Variants in TBXT observed in about 807,000 individuals in gnomAD.
The protein encoded by TBXT is T-box transcription factor T.
TBXT carries 19 observed loss-of-function variants against 41.1 expected under a neutral mutation model. The ratio of observed to expected loss-of-function variants is 0.46; its 90% CI spans 0.32 to 0.68. The LOEUF (loss-of-function observed/expected upper bound fraction) is 0.68, where lower values mean the gene tolerates loss of function less well. TBXT is among the 30% of genes least tolerant of loss of function. The pLI is 0.03. For synonymous variants in TBXT, 213 were observed against 238.9 expected (o/e 0.89, Z 1.00); for missense variants, 536 against 582.0 (o/e 0.92, Z 0.81).
Position 166,158,456 on chromosome 6 carries a change from C to T in TBXT, c.1170G>A (p.Pro390=), listed in dbSNP as rs143219390. 1.4e-4 allele frequency: 221 copies of T among 1,614,086 alleles called. No homozygotes were observed. The highest frequency in any genetic ancestry group is 1.2e-3 in the African/African-American group (90 of 75,058). The part of the protein sequence containing the change: ...SPAHYTPLTH[P]VSAPSSSGSP... ...ATCCCGAGGAAGAGGGCGCCGAGAC[C>T]GGATGGGTGAGGGGTGTGTAGTGCG... The change falls in exon 8 of 8, where the codon CCG becomes CCA. Residue 390 remains proline (P), a synonymous_variant. Coordinates refer to ENST00000366876, the MANE Select transcript of TBXT (RefSeq NM_001366285.2).
At chr6:166,160,814 A>G (rs773752592) in intron 7 of TBXT, 23 bp downstream of exon 7, 4 of 1,613,852 alleles carry the variant, frequency 2.5e-6, no homozygotes, top group Non-Finnish European at 3.4e-6. Flanking sequence ...GATGCTTTGC[A>G]CCAGGTCCTG....
intron 6 of TBXT, among the ~76,000 whole-genome samples, chr6:166,161,742 G>A (rs992532824): frequency 1.3e-5 from 2 of 152,148 alleles, no homozygotes; most frequent in African/African-American, 4.8e-5. Flanking sequence ...CTAACACGGT[G>A]AAACCCCGTC....
At chr6:166,158,684 G>A (rs2128521245) in intron 7 of TBXT, 96 bp from the exon 8 acceptor site, 4 of 1,349,894 alleles carry the variant, frequency 3.0e-6, no homozygotes, top group Non-Finnish European at 3.9e-6. Flanking sequence ...CGGAGTGACT[G>A]TGTAATATGA....
At chr6:166,160,798 T>C (rs748826823) in intron 7 of TBXT, 39 bp downstream of exon 7, 2 of 1,612,666 alleles carry the variant, frequency 1.2e-6, no homozygotes, top group Admixed American at 3.3e-5. Context: ...CAGGCAGAGC[T>C]CCCAGGATGC....
Position 166,160,893 on chromosome 6 carries a change from A to G in TBXT, c.981T>C (p.Pro327=), listed in dbSNP as rs1778933131. The G allele has an allele frequency of 1.2e-6, 2 of 1,614,008 alleles. No homozygotes were observed. Among genetic ancestry groups the G allele is most frequent in the Middle Eastern group, 1.6e-4 (1 of 6,084 alleles). ...TCACGGGGAGCATGCTGGGATGGGC[A>G]GGCATTCCAAGGCTGGACCAATTGT... The part of the protein sequence containing the change: ...SHDNWSSLGM[P]AHPSMLPVSH... Residue 327 remains proline (P), a synonymous_variant, in exon 7 of 8, where the codon CCT becomes CCC. Transcript: ENST00000366876.
At chr6:166,164,058 C>T (rs1156697531) in intron 5 of TBXT, among the ~76,000 whole-genome samples, 1 of 152,204 alleles carries the variant, frequency 6.6e-6, no homozygotes, top group Non-Finnish European at 1.5e-5. Context: ...TGAGAGAGAG[C>T]GTTTCTCCCA....
chr6:166,165,579 T>G, intron 3 of TBXT, 127 bp downstream of exon 3: 1 of 1,443,864 alleles, frequency 6.9e-7, no homozygotes, highest in Non-Finnish European at 9.7e-7. Flanking sequence ...CGGAATATTA[T>G]TTGAAAGGGC....
chr6:166,164,705 A>T, intron 4 of TBXT, 39 bp from the exon 5 acceptor site: 1 of 1,612,924 alleles, frequency 6.2e-7, no homozygotes, highest in Non-Finnish European at 8.5e-7. Context: ...CGAATTTTCA[A>T]AAATAAGGAA....
At chr6:166,160,683 G>A (rs1778925224) in intron 7 of TBXT, among the ~76,000 whole-genome samples, 154 bp downstream of exon 7, 1 of 152,052 alleles carries the variant, frequency 6.6e-6, no homozygotes, top group Non-Finnish European at 1.5e-5. Context: ...GCAATCCCTG[G>A]GCATAGCTGG....
At position 166,160,758 on chromosome 6, in the gene TBXT, G is replaced by A. The variant is rs3127334; in HGVS notation, c.1037+79C>T. The stretch of plus-strand genomic sequence containing the variant: ...GGACCAAGGAGAATAAGGACTAAGG[G>A]CCTATGGGAATGGAAACAGCGTGAA... On this transcript the variant is annotated intron_variant, in intron 7 of 7. Transcript: ENST00000366876. The A allele has an allele frequency of 0.74, 1,188,027 of 1,596,264 alleles. 443,689 individuals carry two copies. Among genetic ancestry groups the A allele is most frequent in the East Asian group, 0.88 (39,056 of 44,550 alleles).
chr6:166,162,881 C>T (rs1164967790), intron 5 of TBXT, among the ~76,000 whole-genome samples: 1 of 152,160 alleles, frequency 6.6e-6, no homozygotes, highest in Non-Finnish European at 1.5e-5. Flanking sequence ...TTCCCACCTT[C>T]CCCTCAGGGG....
At position 166,166,598 on chromosome 6, in the gene TBXT, C is replaced by T; in HGVS notation, c.465G>A (p.Gly155=). The change falls in exon 2 of 8, where the codon GGG becomes GGA. Residue 155 remains glycine, a synonymous_variant. Coordinates refer to ENST00000366876, the MANE Select transcript of TBXT (RefSeq NM_001366285.2). ...GCGGGCTCCTCACACCTACCTGGCC[C>T]CCTCCGTTGAGCTTGTTGGTGAGCT... is the stretch of plus-strand genomic sequence containing the variant. ...KVKLTNKLNG[G]GQIMLNSLHK... 6.2e-7 allele frequency: 1 copy of T among 1,613,952 alleles called. No individual in the cohort carries two copies. Among genetic ancestry groups the T allele is most frequent in the South Asian group, 1.1e-5 (1 of 91,084 alleles).
upstream of TBXT, among the ~76,000 whole-genome samples, chr6:166,168,064 T>A (rs886632076): frequency 1.3e-5 from 2 of 151,826 alleles, no homozygotes; most frequent in Non-Finnish European, 2.9e-5. Context: ...GCCCCAGCCC[T>A]GCGAGCCCCG....
chr6:166,160,489 TGAGGCCCAGA>T (rs1360267312), intron 7 of TBXT, among the ~76,000 whole-genome samples: 1 of 152,118 alleles, frequency 6.6e-6, no homozygotes, highest in Non-Finnish European at 1.5e-5. Flanking sequence ...GTGAGGAAAC[TGAGGCCCAGA>T]GAGGCTAAAA....
chr6:166,168,072 C>A (rs1015006314), upstream of TBXT, among the ~76,000 whole-genome samples: 2 of 152,082 alleles, frequency 1.3e-5, no homozygotes, highest in African/African-American at 4.8e-5. Context: ...CCTGCGAGCC[C>A]CGGCCCAGCC....
At chr6:166,161,872 G>C (rs796396864) in intron 6 of TBXT, among the ~76,000 whole-genome samples, 8 of 152,322 alleles carry the variant, frequency 5.3e-5, no homozygotes, top group African/African-American at 1.9e-4. Flanking sequence ...GCAGTGAGCC[G>C]AGATCGTGCG....
rs1051656773 is a variant in TBXT, at chr6:166,164,474, T to A, written c.730+131A>T. The A allele has an allele frequency of 7.3e-6, 8 of 1,092,856 alleles. No individual in the cohort carries two copies. The African/African-American group carries it at 9.2e-5, about 13-fold the overall frequency. The allele number at this position is 1,092,856 out of a possible 1,614,324, so 67.7% of individuals were successfully genotyped here. A position where few individuals can be genotyped will look rare whatever the true frequency, so the allele number is the denominator to read the frequency against. On this transcript the variant is annotated intron_variant, in intron 5 of 7. Transcript: ENST00000366876. ...ACATCACAGGGCCAAGAGCCTCGCA[T>A]GGCAAAAAGGCAATCTTACATCCCA...
At chr6:166,161,118 T>C in intron 6 of TBXT, 152 bp from the exon 7 acceptor site, 1 of 1,087,732 alleles carries the variant, frequency 9.2e-7, no homozygotes, top group Non-Finnish European at 1.3e-6. Context: ...ATTAGTCTAT[T>C]TACATGGTTA....
rs3099268 is a variant in TBXT, at chr6:166,159,338, T to G, written c.1038-750A>C. On this transcript the variant is annotated intron_variant, in intron 7 of 7. Transcript: ENST00000366876. ...CCCACCACCGCAGTGATTCTCACGA[T>G]GAAGACCAGCCTCTCCTCAAACACT... Among the ~76,000 whole-genome samples, 6 of 151,706 alleles carry G rather than the reference T, an allele frequency of 4.0e-5. No individual in the cohort carries two copies. The East Asian group carries it at 1.2e-3, about 29-fold the overall frequency.
Sources: gnomAD v4.1 joint callset for allele counts (sites outside exome capture counted in the v4.1 genomes callset) on GRCh38, gnomAD v4.1.1 for gene constraint, MANE v1.5 for transcripts, NCBI Gene and HGNC (gene_info 2026-07-23, HGNC 2026-07-21) for gene names.